Variants in FAM135B observed in about 807,000 individuals in gnomAD.
FAM135B encodes the protein protein FAM135B.
Under a neutral mutation model 127.7 loss-of-function variants are expected in FAM135B, and 43 were observed. That is an observed-to-expected ratio of 0.34 (90% CI 0.26 to 0.43). The LOEUF (loss-of-function observed/expected upper bound fraction) is 0.43. Among genes scored for constraint, FAM135B ranks in the 20% least tolerant of loss-of-function variants. FAM135B has a pLI of 1.00. For synonymous variants in FAM135B, 670 were observed against 665.1 expected (o/e 1.01, Z -0.11); for missense variants, 1,558 against 1,725.6 (o/e 0.90, Z 1.72).
At chr8:138,338,983 C>T (rs1256901299) in intron 2 of FAM135B, among the ~76,000 whole-genome samples, 1 of 151,696 alleles carries the variant, frequency 6.6e-6, no homozygotes, top group Non-Finnish European at 1.5e-5. Flanking sequence ...AGCTGGAAAC[C>T]ATCATTCTCA....
intron 3 of FAM135B, among the ~76,000 whole-genome samples, chr8:138,286,805 T>C (rs891526590): frequency 1.3e-5 from 2 of 151,652 alleles, no homozygotes; most frequent in African/African-American, 4.8e-5. Flanking sequence ...GGGAGGAGAG[T>C]CACTCATGAG....
At chr8:138,231,538 C>A (rs1819909117) in intron 7 of FAM135B, among the ~76,000 whole-genome samples, 1 of 152,182 alleles carries the variant, frequency 6.6e-6, no homozygotes, top group Admixed American at 6.5e-5. Context: ...ACCTATTTCT[C>A]TGATGACTCC....
At chr8:138,475,444 T>C (rs1378420422) in intron 1 of FAM135B, among the ~76,000 whole-genome samples, 2 of 152,158 alleles carry the variant, frequency 1.3e-5, no homozygotes, top group Non-Finnish European at 2.9e-5. Context: ...AGGCACTATA[T>C]TGCCAGCTCT....
intron 1 of FAM135B, among the ~76,000 whole-genome samples, chr8:138,419,890 A>G (rs1834386379): frequency 6.6e-6 from 1 of 152,132 alleles, no homozygotes; most frequent in African/African-American, 2.4e-5. Context: ...ATCAAGTTAC[A>G]GAAAGGTCTC....
At chr8:138,302,250 A>C (rs1825943515) in intron 3 of FAM135B, among the ~76,000 whole-genome samples, 1 of 152,060 alleles carries the variant, frequency 6.6e-6, no homozygotes, top group Non-Finnish European at 1.5e-5. Context: ...TTCTGATTCT[A>C]GAATCTGTGT....
intron 1 of FAM135B, among the ~76,000 whole-genome samples, chr8:138,481,259 G>T (rs1424200010): frequency 2.0e-5 from 3 of 152,182 alleles, no homozygotes; most frequent in Non-Finnish European, 2.9e-5. Flanking sequence ...GTATGCAGTG[G>T]TTACATCAGT....
intron 1 of FAM135B, among the ~76,000 whole-genome samples, chr8:138,478,568 C>T (rs1470709630): frequency 6.6e-6 from 1 of 152,162 alleles, no homozygotes; most frequent in Non-Finnish European, 1.5e-5. Flanking sequence ...AGTGATCCTG[C>T]CTTATCAGAC....
chr8:138,273,154 C>T (rs1006458712), intron 3 of FAM135B, among the ~76,000 whole-genome samples: 1 of 152,126 alleles, frequency 6.6e-6, no homozygotes, highest in African/African-American at 2.4e-5. Context: ...AGAATTTTAC[C>T]AGATATTAGT....
intron 1 of FAM135B, among the ~76,000 whole-genome samples, chr8:138,417,238 G>A (rs1834215197): frequency 1.3e-5 from 2 of 152,142 alleles, no homozygotes; most frequent in Admixed American, 1.3e-4. Flanking sequence ...CTCATCTGCT[G>A]GCTTATCCCA....
intron 2 of FAM135B, among the ~76,000 whole-genome samples, chr8:138,356,264 A>AAGAGAG (rs556656577): frequency 6.0e-5 from 2 of 33,452 alleles, no homozygotes; most frequent in East Asian, 1.7e-3. Flanking sequence ...CAGAAAGGGA[A>AAGAGAG]AGAGAGAGAG....
intron 1 of FAM135B, among the ~76,000 whole-genome samples, chr8:138,395,375 T>G (rs1282576206): frequency 1.3e-5 from 2 of 152,078 alleles, no homozygotes; most frequent in East Asian, 1.9e-4. Context: ...TAGTTTGCAT[T>G]GCAGATGTTC....
intron 1 of FAM135B, among the ~76,000 whole-genome samples, chr8:138,446,179 T>C (rs1050813760): frequency 9.9e-5 from 15 of 152,110 alleles, no homozygotes; most frequent in Non-Finnish European, 2.2e-4. Flanking sequence ...GGAAGAACAT[T>C]CCATGCTCAT....
In FAM135B at chr8:138,152,777, A is replaced by G. The variant is rs773447742; in HGVS notation, c.1698T>C (p.Ala566=). The change falls in exon 13 of 20, where the codon GCT becomes GCC. Residue 566 remains alanine (A), a synonymous_variant. Transcript: ENST00000395297. ...GAGCATTGAAGGCCACCAGGGGTTC[A>G]GCTCTGGAGGGGTTCTTATTGCTAG... ...VKSSNKNPSR[A]EPLVAFNAQH... The G allele has an allele frequency of 3.1e-6, 5 of 1,614,210 alleles. No individual in the cohort carries two copies. The highest frequency in any genetic ancestry group is 2.2e-5 in the South Asian group (2 of 91,086).
Position 138,178,648 on chromosome 8 carries a change from C to T in FAM135B, c.916G>A (p.Asp306Asn), listed in dbSNP as rs2130982790. ...ATGTGGGACGTGAGCCAGGCCAGAT[C>T]CTTGCTTATCTGCTCAGCGATCTTC... Reference protein sequence around the residue: ...PEKIAEQISKDLAWLTSHMMT... With the variant: ...PEKIAEQISKNLAWLTSHMMT... The change falls in exon 10 of 20, where the codon GAT (aspartate) becomes AAT (asparagine). Residue 306 changes from aspartate (D) to asparagine (N), a missense_variant. This residue lies in a region of FAM135B where 115 missense variants were observed against 171.1 expected (regional missense o/e 0.67). Transcript: ENST00000395297. 1 of 1,614,052 alleles carries T rather than the reference C, an allele frequency of 6.2e-7. No homozygotes were observed. The highest frequency in any genetic ancestry group is 8.5e-7 in the Non-Finnish European group (1 of 1,180,026).
chr8:138,422,374 T>C (rs1328835679), intron 1 of FAM135B, among the ~76,000 whole-genome samples: 2 of 152,146 alleles, frequency 1.3e-5, no homozygotes, highest in African/African-American at 4.8e-5. Flanking sequence ...ACTATTTGTC[T>C]AATAAGGGTC....
At chr8:138,410,551 C>T (rs1833803116) in intron 1 of FAM135B, among the ~76,000 whole-genome samples, 1 of 152,182 alleles carries the variant, frequency 6.6e-6, no homozygotes, top group African/African-American at 2.4e-5. Flanking sequence ...CATCGCTAAT[C>T]ATCAGAGAAA....
chr8:138,371,314 C>T (rs917491024), intron 1 of FAM135B, among the ~76,000 whole-genome samples: 16 of 152,214 alleles, frequency 1.1e-4, no homozygotes, highest in African/African-American at 3.9e-4. Flanking sequence ...AAACAATAGA[C>T]CCATGACACA....
At chr8:138,172,904 A>T (rs1820589618) in intron 11 of FAM135B, among the ~76,000 whole-genome samples, 1 of 152,136 alleles carries the variant, frequency 6.6e-6, no homozygotes, top group South Asian at 2.1e-4. Context: ...TACCTCACCC[A>T]TGGCAGAAGC....
intron 1 of FAM135B, among the ~76,000 whole-genome samples, chr8:138,425,217 C>T (rs1834771837): frequency 6.6e-6 from 1 of 152,164 alleles, no homozygotes. Flanking sequence ...TACATGGATA[C>T]ATTTGATCCT....
Sources: allele counts gnomAD v4.1 joint callset (sites outside exome capture counted in the v4.1 genomes callset), GRCh38; gene constraint gnomAD v4.1.1; regional missense constraint gnomAD v4.1.1; transcripts MANE v1.5; gene names NCBI Gene and HGNC (gene_info 2026-07-23, HGNC 2026-07-21).